The following RSRP1 variants were observed in gnomAD, a reference collection of about 807,000 sequenced individuals.
RSRP1 encodes arginine and serine rich protein 1.
RSRP1 carries 37 observed loss-of-function variants against 33.0 expected under a neutral mutation model. The observed-to-expected ratio is 1.12, with a 90% CI of 0.86 to 1.48. The LOEUF (loss-of-function observed/expected upper bound fraction) is 1.48, where lower values mean the gene tolerates loss of function less well. Ranked by LOEUF, RSRP1 falls within the 40% of genes most tolerant of loss-of-function variation. The probability of loss-of-function intolerance (pLI) is 0.00; values close to 1 mark genes in which losing one functional copy is unlikely to be tolerated. For synonymous variants in RSRP1, 167 were observed against 158.7 expected, an observed-to-expected ratio of 1.05 and a Z score of -0.40; for missense variants, 402 against 385.3, an observed-to-expected ratio of 1.04 and a Z score of -0.36.
chr1:25,285,285 C>A (rs1641874979), intron 1 of RSRP1, among the ~76,000 whole-genome samples: 1 of 133,800 alleles, frequency 7.5e-6, no homozygotes, highest in East Asian at 1.9e-4. Flanking sequence ...CAGGCATGTG[C>A]CACCGCGCCT....
At chr1:25,262,020 G>T (rs1467638765) in intron 1 of RSRP1, among the ~76,000 whole-genome samples, 2 of 152,070 alleles carry the variant, frequency 1.3e-5, no homozygotes, top group African/African-American at 4.8e-5. Flanking sequence ...CCAAAAATGT[G>T]ATTTCTTATT....
chr1:25,286,890 C>T lies in RSRP1; in HGVS notation c.-66-39861G>A, dbSNP rs1273180537. The stretch of plus-strand genomic sequence containing the variant: ...GGTGGATTACCTGAGGTCAGGAGTC[C>T]GAGACCAACCTGAGCAACATGGTGA... On this transcript the variant is annotated intron_variant, in intron 1 of 1. Coordinates refer to the RSRP1 transcript ENST00000561867. Among the ~76,000 whole-genome samples, 7 of 134,400 alleles carry T rather than the reference C, an allele frequency of 5.2e-5. 1 individual carries two copies. Among genetic ancestry groups the T allele is most frequent in the Admixed American group, 2.9e-4 (4 of 13,974 alleles). 88.2% of individuals were successfully genotyped at this position (134,400 alleles called of 152,430 possible).
chr1:25,269,823 G>A (rs562142448), intron 1 of RSRP1, among the ~76,000 whole-genome samples: 1 of 132,830 alleles, frequency 7.5e-6, no homozygotes, highest in South Asian at 2.3e-4. Flanking sequence ...CTCTTGTCAA[G>A]CAGTCAGTCC....
In RSRP1 at chr1:25,282,893, GA is replaced by G. The variant is rs563290618; in HGVS notation, c.-66-35865del. Among the ~76,000 whole-genome samples the G allele has an allele frequency of 9.3e-4, 112 of 120,002 alleles. 26 individuals carry two copies. Among genetic ancestry groups the G allele is most frequent in the South Asian group, 1.3e-3 (5 of 3,964 alleles). The allele number at this position is 120,002 out of a possible 152,430, so 78.7% of individuals were successfully genotyped here. ...CTGGGCAACAGAGAGACTCTGTCTC[GA>G]AAAAAAAAAATTGTCTACATGCTGG... On this transcript the variant is annotated intron_variant, in intron 1 of 1. Coordinates refer to the RSRP1 transcript ENST00000561867.
chr1:25,289,499 A>G (rs1642316257), intron 1 of RSRP1, among the ~76,000 whole-genome samples: 1 of 132,390 alleles, frequency 7.6e-6, no homozygotes, highest in African/African-American at 2.6e-5. Flanking sequence ...CCAGCCTTAT[A>G]GGGTTAAAAT....
At position 25,314,237 on chromosome 1, in the gene RSRP1, C is replaced by T. The variant is rs1014306265; in HGVS notation, c.-67+23741G>A. Among the ~76,000 whole-genome samples, 9 of 132,676 alleles carry T rather than the reference C, an allele frequency of 6.8e-5. 2 individuals are homozygous for T. The highest frequency in any genetic ancestry group is 7.3e-5 in the Admixed American group (1 of 13,654). 87.0% of individuals were successfully genotyped at this position (132,676 alleles called of 152,430 possible). ...AAGCTCCTTTTACTCCACATTTTGCCAACACTTGGTGTTTTCCTTCTTTTT... is the reference window on the plus strand; with the variant it reads ...AAGCTCCTTTTACTCCACATTTTGCTAACACTTGGTGTTTTCCTTCTTTTT... On this transcript the variant is annotated intron_variant, in intron 1 of 1. Transcript: ENST00000561867.
chr1:25,258,577 G>A (rs1640021111), intron 1 of RSRP1, among the ~76,000 whole-genome samples: 1 of 152,032 alleles, frequency 6.6e-6, no homozygotes, highest in Non-Finnish European at 1.5e-5. Context: ...AGCTATCTGA[G>A]GTTTCTGTTG....
At chr1:25,322,314 A>G (rs1470236613) in intron 1 of RSRP1, among the ~76,000 whole-genome samples, 1 of 132,298 alleles carries the variant, frequency 7.6e-6, no homozygotes, top group Non-Finnish European at 1.8e-5. Flanking sequence ...GCTGGAAGAA[A>G]CCTCAAGCCT....
chr1:25,283,961 G>A lies in RSRP1; in HGVS notation c.-66-36932C>T, dbSNP rs536962442. Among the ~76,000 whole-genome samples the A allele has an allele frequency of 6.7e-5, 9 of 134,682 alleles. 3 individuals are homozygous for A. The highest frequency in any genetic ancestry group is 1.3e-4 in the African/African-American group (5 of 38,396). The allele number at this position is 134,682 out of a possible 152,430, so 88.4% of individuals were successfully genotyped here. ...CAGCCTCTGCTCAGGGTCTGAGACC[G>A]GGAAAGGTGAGGGCTACCCAGGTGG... On this transcript the variant is annotated intron_variant, in intron 1 of 1. Transcript: ENST00000561867.
Position 25,303,524 on chromosome 1 carries a change from T to G in RSRP1, c.-67+34454A>C, listed in dbSNP as rs545576667. On this transcript the variant is annotated intron_variant, in intron 1 of 1. Coordinates refer to the RSRP1 transcript ENST00000561867. ...AGGCCAGCAGGACGCTGGGACCTGA[T>G]GGGCCACTGTGCAGTGCACAGCTGC... The G allele has an allele frequency of 5.9e-5, 79 of 1,328,540 alleles. 12 individuals carry two copies. The African/African-American group carries it at 9.5e-4, about 16-fold the overall frequency. 82.3% of individuals were successfully genotyped at this position (1,328,540 alleles called of 1,614,324 possible). A position where few individuals can be genotyped will look rare whatever the true frequency, so the allele number is the denominator to read the frequency against.
Position 25,287,911 on chromosome 1 carries a change from A to C in RSRP1, c.-66-40882T>G, listed in dbSNP as rs1336524342. Reference sequence around the variant, plus strand: ...CTAATTTTTGTATTTTTAGTAGACAAGGGGTTTCACCAGGTGGGTCAGGTT... The same window carrying C: ...CTAATTTTTGTATTTTTAGTAGACACGGGGTTTCACCAGGTGGGTCAGGTT... On this transcript the variant is annotated intron_variant, in intron 1 of 1. Transcript: ENST00000561867. Among the ~76,000 whole-genome samples the C allele has an allele frequency of 6.1e-5, 8 of 131,136 alleles. 1 individual carries two copies. Among genetic ancestry groups the C allele is most frequent in the East Asian group, 2.0e-4 (1 of 5,058 alleles). The allele number at this position is 131,136 out of a possible 152,430, so 86.0% of individuals were successfully genotyped here.
chr1:25,260,000 ACG>A (rs1227391370), intron 1 of RSRP1, among the ~76,000 whole-genome samples: 2 of 151,896 alleles, frequency 1.3e-5, no homozygotes, highest in Non-Finnish European at 2.9e-5. Flanking sequence ...CTGATTGTAT[ACG>A]CATCCCAAGA....
chr1:25,264,397 G>A (rs148634500), intron 1 of RSRP1, among the ~76,000 whole-genome samples: 2,778 of 151,538 alleles, frequency 0.018, 118 homozygotes, highest in African/African-American at 0.063. Context: ...CTGTGCACTC[G>A]CAGTCTCAAC....
At chr1:25,299,532 TG>T (rs1469565132) in intron 1 of RSRP1, among the ~76,000 whole-genome samples, 1 of 131,058 alleles carries the variant, frequency 7.6e-6, no homozygotes, top group Non-Finnish European at 1.8e-5. Flanking sequence ...ACACCCTGGC[TG>T]GGGGTCAGCA....
chr1:25,300,048 G>A (rs1422699161), intron 1 of RSRP1, among the ~76,000 whole-genome samples: 1 of 131,116 alleles, frequency 7.6e-6, no homozygotes, highest in Admixed American at 7.4e-5. Context: ...AATATATCTA[G>A]AATTTCCTGA....
In RSRP1 at chr1:25,320,345, A is replaced by T. The variant is rs561975900; in HGVS notation, c.-67+17633T>A. The stretch of plus-strand genomic sequence containing the variant: ...CTAGTGATGGTTCTGATTTTTTTTA[A>T]AAAAAGTCTAAATATGTTTAATGTT... On this transcript the variant is annotated intron_variant, in intron 1 of 1. Coordinates refer to the RSRP1 transcript ENST00000561867. 3.9e-3 allele frequency among the ~76,000 whole-genome samples: 515 copies of T among 132,044 alleles called. 78 individuals are homozygous for T. The highest frequency in any genetic ancestry group is 7.9e-3 in the African/African-American group (305 of 38,758). 86.6% of individuals were successfully genotyped at this position (132,044 alleles called of 152,430 possible).
chr1:25,322,774 C>T (rs571958291), intron 1 of RSRP1, among the ~76,000 whole-genome samples: 1,514 of 121,348 alleles, frequency 0.012, 183 homozygotes, highest in African/African-American at 0.039. Flanking sequence ...CTTTATTAGC[C>T]GGCGACCTAG....
intron 1 of RSRP1, among the ~76,000 whole-genome samples, chr1:25,320,745 T>A (rs924478729): frequency 7.6e-6 from 1 of 130,814 alleles, no homozygotes; most frequent in African/African-American, 2.6e-5. Context: ...GGGCAGAGAG[T>A]AGACAGGGAA....
rs1639283376 is a variant in RSRP1, at chr1:25,245,374, C to T, written c.521-73G>A. The T allele has an allele frequency of 1.6e-5, 23 of 1,482,578 alleles. No homozygotes were observed. The South Asian group carries it at 2.2e-4, about 14-fold the overall frequency. The allele number at this position is 1,482,578 out of a possible 1,614,324, so 91.8% of individuals were successfully genotyped here. ...TATTTCCCAAGAGAACTCAGAATTA[C>T]ACAATAAATATGTTATTTTGTGGTA... On this transcript the variant is annotated intron_variant, in intron 2 of 4. Coordinates refer to ENST00000243189, the MANE Select transcript of RSRP1 (RefSeq NM_020317.5).
Sources: gnomAD v4.1 joint callset for allele counts (sites outside exome capture counted in the v4.1 genomes callset) on GRCh38, gnomAD v4.1.1 for gene constraint, MANE v1.5 for transcripts, NCBI Gene and HGNC (gene_info 2026-07-23, HGNC 2026-07-21) for gene names.